The following VPS13B variants were observed in gnomAD, a reference collection of about 807,000 sequenced individuals.
VPS13B encodes the protein vacuolar protein sorting 13 homolog B.
A neutral mutation model predicts 426.4 loss-of-function variants in VPS13B; 285 were observed. That is an observed-to-expected ratio of 0.67 (90% CI 0.61 to 0.74). The LOEUF (loss-of-function observed/expected upper bound fraction) is 0.74, where lower values mean the gene tolerates loss of function less well. Ranked by LOEUF, VPS13B falls within the 30% of genes least tolerant of loss-of-function variation. VPS13B has a pLI of 0.00. For missense variants in VPS13B, 4,537 were observed against 4,782.6 expected, an observed-to-expected ratio of 0.95 and a Z score of 1.51; for synonymous variants, 1,676 against 1,676.4, an observed-to-expected ratio of 1.00 and a Z score of 0.01.
intron 15 of VPS13B, among the ~76,000 whole-genome samples, chr8:99,160,895 CT>C (rs1811613698): frequency 6.6e-6 from 1 of 152,104 alleles, no homozygotes; most frequent in South Asian, 2.1e-4. Flanking sequence ...CCATTGCAGA[CT>C]AGAAGAACAT....
chr8:99,436,028 A>G (rs1371945466), intron 22 of VPS13B, among the ~76,000 whole-genome samples: 2 of 152,188 alleles, frequency 1.3e-5, no homozygotes, highest in Non-Finnish European at 2.9e-5. Context: ...GGCCAAGGGA[A>G]TACCGTTTTA....
intron 3 of VPS13B, among the ~76,000 whole-genome samples, chr8:99,074,202 T>C (rs1844992112): frequency 6.6e-6 from 1 of 152,240 alleles, no homozygotes; most frequent in Non-Finnish European, 1.5e-5. Context: ...TTGTCATATA[T>C]GGCCTTTATT....
Position 99,520,957 on chromosome 8 carries a change from T to G in VPS13B, c.4692T>G (p.Ala1564=). The G allele has an allele frequency of 6.2e-7, 1 of 1,613,750 alleles. No individual in the cohort carries two copies. Among genetic ancestry groups the G allele is most frequent in the Non-Finnish European group, 8.5e-7 (1 of 1,179,724 alleles). ...VVLKIGSVAM[A]PQADNPLGRS... ...TGAAGATTGGCTCTGTTGCCATGGC[T>G]CCCCAGGCTGACAATCCCCTTGGCA... is the stretch of plus-strand genomic sequence containing the variant. The change falls in exon 30 of 62, where the codon GCT becomes GCG. Residue 1564 remains alanine, a synonymous_variant. Coordinates refer to ENST00000357162, the MANE Select transcript of VPS13B (RefSeq NM_152564.5).
At chr8:99,701,638 A>G (rs949633533) in intron 36 of VPS13B, among the ~76,000 whole-genome samples, 28 of 152,156 alleles carry the variant, frequency 1.8e-4, no homozygotes, top group African/African-American at 6.5e-4. Context: ...AAACACAAAA[A>G]CAGCAACTAT....
At chr8:99,386,218 A>G (rs1814114531) in intron 20 of VPS13B, among the ~76,000 whole-genome samples, 1 of 152,226 alleles carries the variant, frequency 6.6e-6, no homozygotes, top group Non-Finnish European at 1.5e-5. Flanking sequence ...CTAGCAGCTT[A>G]AGTAAATTAG....
At chr8:99,479,269 A>G (rs1217653288) in intron 24 of VPS13B, among the ~76,000 whole-genome samples, 3 of 152,138 alleles carry the variant, frequency 2.0e-5, no homozygotes, top group Non-Finnish European at 4.4e-5. Flanking sequence ...GTGAAATTGA[A>G]TCTTTTTTAT....
chr8:99,610,921 A>C (rs1363198962), intron 33 of VPS13B, among the ~76,000 whole-genome samples: 1 of 152,216 alleles, frequency 6.6e-6, no homozygotes, highest in Non-Finnish European at 1.5e-5. Flanking sequence ...TGTAACTTAG[A>C]AAAAGTCCAA....
At chr8:99,674,660 C>T (rs529902342) in intron 35 of VPS13B, among the ~76,000 whole-genome samples, 11 of 152,006 alleles carry the variant, frequency 7.2e-5, no homozygotes, top group African/African-American at 2.2e-4. Flanking sequence ...TTCTTCCTCT[C>T]GCTGTCTTTC....
At chr8:99,053,662 T>TC (rs1843680906) in intron 3 of VPS13B, among the ~76,000 whole-genome samples, 1 of 151,478 alleles carries the variant, frequency 6.6e-6, no homozygotes, top group Admixed American at 6.6e-5. Flanking sequence ...ATGACAAGGT[T>TC]CCTTTTTTTT....
chr8:99,582,747 C>T (rs543116048), intron 33 of VPS13B, among the ~76,000 whole-genome samples: 3 of 152,298 alleles, frequency 2.0e-5, no homozygotes, highest in African/African-American at 7.2e-5. Flanking sequence ...GCTCCGCCTC[C>T]TGTGTTCACG....
At chr8:99,598,236 C>T (rs1336294967) in intron 33 of VPS13B, among the ~76,000 whole-genome samples, 4 of 152,028 alleles carry the variant, frequency 2.6e-5, no homozygotes, top group South Asian at 2.1e-4. Context: ...GCTCCCACAT[C>T]GATAATAGTC....
At chr8:99,729,905 G>A (rs1451642697) in intron 39 of VPS13B, among the ~76,000 whole-genome samples, 1 of 152,156 alleles carries the variant, frequency 6.6e-6, no homozygotes, top group Non-Finnish European at 1.5e-5. Flanking sequence ...GACTTTACAA[G>A]CTTCCCGTAA....
chr8:99,339,772 A>T (rs767315473), intron 19 of VPS13B, among the ~76,000 whole-genome samples: 1 of 152,174 alleles, frequency 6.6e-6, no homozygotes, highest in Non-Finnish European at 1.5e-5. Context: ...ATCATGTTTC[A>T]CTGTTAGAAG....
intron 33 of VPS13B, among the ~76,000 whole-genome samples, chr8:99,579,509 T>G (rs1825943638): frequency 6.6e-6 from 1 of 152,130 alleles, no homozygotes; most frequent in South Asian, 2.1e-4. Flanking sequence ...ACAATTCTCC[T>G]GCCTCAGTAT....
At position 99,275,208 on chromosome 8, in the gene VPS13B, C is replaced by A; in HGVS notation, c.2778C>A (p.Ala926=). The change falls in exon 19 of 62, where the codon GCC becomes GCA. Residue 926 remains alanine, a synonymous_variant. Transcript: ENST00000357162. Reference sequence around the variant, plus strand: ...CTCTCTTAGCTCCAGATTTGATGGCCTTCACAATCCAAGTTCCACAATATA... The same window carrying A: ...CTCTCTTAGCTCCAGATTTGATGGCATTCACAATCCAAGTTCCACAATATA... ...PESLLAPDLM[A]FTIQVPQYID... The A allele has an allele frequency of 6.2e-7, 1 of 1,612,642 alleles. No homozygotes were observed. Among genetic ancestry groups the A allele is most frequent in the Non-Finnish European group, 8.5e-7 (1 of 1,179,474 alleles).
At chr8:99,061,520 T>A (rs1384296688) in intron 3 of VPS13B, among the ~76,000 whole-genome samples, 4 of 152,058 alleles carry the variant, frequency 2.6e-5, no homozygotes, top group African/African-American at 9.7e-5. Context: ...AAGTTTAATG[T>A]CTTCATATTT....
chr8:99,614,252 T>TAC (rs146295745), intron 33 of VPS13B, among the ~76,000 whole-genome samples: 20,662 of 150,130 alleles, frequency 0.14, 1,861 homozygotes, highest in East Asian at 0.34. Flanking sequence ...TTAAATTTTA[T>TAC]ACACACACAC....
chr8:99,326,994 G>C (rs978953875), intron 19 of VPS13B, among the ~76,000 whole-genome samples: 1 of 152,054 alleles, frequency 6.6e-6, no homozygotes, highest in Admixed American at 6.6e-5. Context: ...CTGGGTTTTG[G>C]TTTCAATTTT....
At chr8:99,700,675 AT>A (rs1832232080) in intron 36 of VPS13B, among the ~76,000 whole-genome samples, 1 of 152,102 alleles carries the variant, frequency 6.6e-6, no homozygotes, top group African/African-American at 2.4e-5. Context: ...TGACATCTAC[AT>A]TTTCCACTTC....
Sources: gnomAD v4.1 joint callset for allele counts (sites outside exome capture counted in the v4.1 genomes callset) on GRCh38, gnomAD v4.1.1 for gene constraint, MANE v1.5 for transcripts, NCBI Gene and HGNC (gene_info 2026-07-23, HGNC 2026-07-21) for gene names.